Variants in MEOX2 observed in about 807,000 individuals in gnomAD.
The protein encoded by MEOX2 is mesenchyme homeobox 2, also known as homeobox protein MOX-2.
A neutral mutation model predicts 27.0 loss-of-function variants in MEOX2; 11 were observed. The ratio of observed to expected loss-of-function variants is 0.41; its 90% CI spans 0.26 to 0.68. The LOEUF (loss-of-function observed/expected upper bound fraction) is 0.68, where lower values mean the gene tolerates loss of function less well. MEOX2 is among the 30% of genes least tolerant of loss of function. The pLI is 0.33. For missense variants in MEOX2, 436 were observed against 385.4 expected (o/e 1.13, Z -1.10); for synonymous variants, 189 against 155.4 (o/e 1.22, Z -1.61).
intron 1 of MEOX2, among the ~76,000 whole-genome samples, chr7:15,629,520 G>C (rs562701832): frequency 6.6e-6 from 1 of 151,998 alleles, no homozygotes; most frequent in African/African-American, 2.4e-5. Context: ...ACCACACAAA[G>C]AACCATTGAA....
intron 1 of MEOX2, among the ~76,000 whole-genome samples, chr7:15,627,441 A>G (rs1277181378): frequency 1.3e-5 from 2 of 152,098 alleles, no homozygotes; most frequent in Admixed American, 6.6e-5. Context: ...ATCTGTATTT[A>G]AGTAAAATTC....
intron 1 of MEOX2, among the ~76,000 whole-genome samples, chr7:15,666,403 G>C (rs1182727670): frequency 6.6e-6 from 1 of 152,064 alleles, no homozygotes; most frequent in Non-Finnish European, 1.5e-5. Context: ...GAAATACAAA[G>C]TTTAGTAACC....
intron 1 of MEOX2, among the ~76,000 whole-genome samples, chr7:15,665,172 G>A (rs928443392): frequency 6.6e-6 from 1 of 151,826 alleles, no homozygotes; most frequent in Non-Finnish European, 1.5e-5. Context: ...GCAAACCAGA[G>A]CCATGTGATT....
chr7:15,668,643 A>G (rs1420151546), intron 1 of MEOX2, among the ~76,000 whole-genome samples: 1 of 151,744 alleles, frequency 6.6e-6, no homozygotes, highest in African/African-American at 2.4e-5. Flanking sequence ...CACCACGCTA[A>G]TTTTGTATTT....
chr7:15,645,264 A>C (rs1293365361), intron 1 of MEOX2, among the ~76,000 whole-genome samples: 1 of 152,234 alleles, frequency 6.6e-6, no homozygotes, highest in Non-Finnish European at 1.5e-5. Context: ...TGTCATTGTA[A>C]GGAAGGAAAT....
At chr7:15,627,494 G>A (rs1781331576) in intron 1 of MEOX2, among the ~76,000 whole-genome samples, 1 of 151,912 alleles carries the variant, frequency 6.6e-6, no homozygotes, top group South Asian at 2.1e-4. Flanking sequence ...ATTATACTTA[G>A]TCCAACATGG....
chr7:15,667,748 A>G (rs1782032453), intron 1 of MEOX2, among the ~76,000 whole-genome samples: 1 of 152,206 alleles, frequency 6.6e-6, no homozygotes, highest in East Asian at 1.9e-4. Context: ...TTAATAAGTG[A>G]TTTTAAATGA....
At chr7:15,659,208 T>C (rs1445214771) in intron 1 of MEOX2, among the ~76,000 whole-genome samples, 1 of 152,112 alleles carries the variant, frequency 6.6e-6, no homozygotes, top group East Asian at 1.9e-4. Flanking sequence ...GAAGCAGAAG[T>C]CCAAAAATTT....
chr7:15,659,484 G>C (rs371693777), intron 1 of MEOX2, among the ~76,000 whole-genome samples: 7 of 152,098 alleles, frequency 4.6e-5, no homozygotes, highest in African/African-American at 1.7e-4. Flanking sequence ...AAGAGGGCCC[G>C]GCGCGGTGGC....
In MEOX2 at chr7:15,631,906, A is replaced by ATGTGTGTGTGTGTG. The variant is rs146116757; in HGVS notation, c.518-5002_518-4989dup. The stretch of plus-strand genomic sequence containing the variant: ...AAAGAGCAAGTTAAGCCAAGGTTAA[A>ATGTGTGTGTGTGTG]TGTGTGTGTGTGTGTGTGTGTGTGT... On this transcript the variant is annotated intron_variant, in intron 1 of 2. Coordinates refer to ENST00000262041, the MANE Select transcript of MEOX2 (RefSeq NM_005924.5). Among the ~76,000 whole-genome samples, 787 of 129,394 alleles carry ATGTGTGTGTGTGTG rather than the reference A, an allele frequency of 6.1e-3. 8 individuals are homozygous for ATGTGTGTGTGTGTG. The highest frequency in any genetic ancestry group is 0.015 in the Middle Eastern group (4 of 266). The allele number at this position is 129,394 out of a possible 152,430, so 84.9% of individuals were successfully genotyped here.
chr7:15,618,039 T>C (rs937169979), intron 2 of MEOX2, among the ~76,000 whole-genome samples: 1 of 152,024 alleles, frequency 6.6e-6, no homozygotes, highest in African/African-American at 2.4e-5. Flanking sequence ...AACCTTATAC[T>C]CTCACTCTTC....
chr7:15,653,097 G>A (rs561726481), intron 1 of MEOX2, among the ~76,000 whole-genome samples: 1 of 119,932 alleles, frequency 8.3e-6, no homozygotes, highest in South Asian at 3.3e-4. Flanking sequence ...TCCCACTAGC[G>A]GTGGTGTCTG....
At chr7:15,643,658 A>G (rs1434878982) in intron 1 of MEOX2, among the ~76,000 whole-genome samples, 1 of 152,166 alleles carries the variant, frequency 6.6e-6, no homozygotes, top group Non-Finnish European at 1.5e-5. Context: ...TCCCAGAGGG[A>G]AAAACTGCGG....
At chr7:15,669,733 T>G (rs1782066745) in intron 1 of MEOX2, among the ~76,000 whole-genome samples, 1 of 152,234 alleles carries the variant, frequency 6.6e-6, no homozygotes, top group Non-Finnish European at 1.5e-5. Flanking sequence ...CCAGGATGAA[T>G]ACTTTATTCT....
intron 2 of MEOX2, among the ~76,000 whole-genome samples, chr7:15,612,950 G>T (rs1020005497): frequency 6.6e-6 from 1 of 152,132 alleles, no homozygotes; most frequent in Non-Finnish European, 1.5e-5. Context: ...CATAATATTT[G>T]TGTTGGTCAA....
chr7:15,652,164 A>G (rs1781741392), intron 1 of MEOX2, among the ~76,000 whole-genome samples: 1 of 152,076 alleles, frequency 6.6e-6, no homozygotes, highest in Non-Finnish European at 1.5e-5. Flanking sequence ...CTTTTCTGAA[A>G]ATGTGTTTTC....
At chr7:15,683,318 CA>C (rs1782321861) in intron 1 of MEOX2, among the ~76,000 whole-genome samples, 1 of 151,934 alleles carries the variant, frequency 6.6e-6, no homozygotes, top group African/African-American at 2.4e-5. Flanking sequence ...TTCTCTCAAC[CA>C]TAAATGCAAA....
intron 1 of MEOX2, among the ~76,000 whole-genome samples, chr7:15,665,155 C>G (rs1185817065): frequency 6.6e-6 from 1 of 151,924 alleles, no homozygotes; most frequent in Non-Finnish European, 1.5e-5. Context: ...CAATGTTACA[C>G]ATTTTGGCAA....
At chr7:15,669,941 T>C (rs1782069451) in intron 1 of MEOX2, among the ~76,000 whole-genome samples, 1 of 152,202 alleles carries the variant, frequency 6.6e-6, no homozygotes, top group Admixed American at 6.5e-5. Flanking sequence ...CTAGCCTAGT[T>C]CCTGGCGTGT....
Sources: gnomAD v4.1 joint callset for allele counts (sites outside exome capture counted in the v4.1 genomes callset) on GRCh38, gnomAD v4.1.1 for gene constraint, MANE v1.5 for transcripts, NCBI Gene and HGNC (gene_info 2026-07-23, HGNC 2026-07-21) for gene names.